PHACTR2: variants seen among roughly 807,000 people sequenced by gnomAD.
PHACTR2 encodes chromosome 6 open reading frame 56.
In PHACTR2, 30 loss-of-function variants were observed where a neutral mutation model predicts 76.0. The observed-to-expected ratio is 0.39, with a 90% CI of 0.30 to 0.54. The LOEUF is 0.54. Ranked by LOEUF, PHACTR2 falls within the 20% of genes least tolerant of loss-of-function variation. The pLI is 0.61. For synonymous variants in PHACTR2, 292 were observed against 292.5 expected, an observed-to-expected ratio of 1.00 and a Z score of 0.02; for missense variants, 696 against 781.1, an observed-to-expected ratio of 0.89 and a Z score of 1.30.
chr6:143,823,379 G>A lies in PHACTR2; in HGVS notation c.1923-295G>A, dbSNP rs1776467341. ...GGTTAGAGCACGATGCTCAAGAATA[G>A]TGATGTTTTCTGTCTTGGTTGCTGT... On this transcript the variant is annotated intron_variant, in intron 12 of 12. Transcript: ENST00000440869. The surrounding 1 kb of genome is among the most constrained non-coding windows in gnomAD (Gnocchi z 5.7). Among the ~76,000 whole-genome samples the A allele has an allele frequency of 6.6e-6, 1 of 152,196 alleles. No individual in the cohort carries two copies. The highest frequency in any genetic ancestry group is 6.5e-5 in the Admixed American group (1 of 15,280).
rs1490864437 is a variant in PHACTR2 at position 143,771,202 on chromosome 6, A to G, written c.1233-1056A>G. Among the ~76,000 whole-genome samples, 40 of 72,106 alleles carry G rather than the reference A, an allele frequency of 5.5e-4. 1 individual carries two copies. The highest frequency in any genetic ancestry group is 1.2e-3 in the African/African-American group (15 of 12,562). The allele number at this position is 72,106 out of a possible 152,430, so 47.3% of individuals were successfully genotyped here. ...TATATATATATATGTGTGTATATAT[A>G]TATATATATATATATATATATATAT... On this transcript the variant is annotated intron_variant, in intron 6 of 12. Coordinates refer to ENST00000440869, the MANE Select transcript of PHACTR2 (RefSeq NM_001100164.2).
chr6:143,605,694 A>G (rs1026164152), upstream of PHACTR2, among the ~76,000 whole-genome samples: 3 of 151,922 alleles, frequency 2.0e-5, no homozygotes, highest in African/African-American at 7.3e-5. This position sits in a 1 kb window ranked among gnomAD's most constrained non-coding sequence, Gnocchi z 5.0. Flanking sequence ...ACATTTTTCC[A>G]TGTTGCCCAT....
intron 1 of PHACTR2, among the ~76,000 whole-genome samples, chr6:143,594,245 A>G (rs1351339764): frequency 6.6e-6 from 1 of 152,232 alleles, no homozygotes; most frequent in Non-Finnish European, 1.5e-5. Context: ...CCATCCCCAA[A>G]AGATCTCATT....
At position 143,803,211 on chromosome 6, in the gene PHACTR2, C is replaced by T. The variant is rs900638938; in HGVS notation, c.1846-3846C>T. On this transcript the variant is annotated intron_variant, in intron 11 of 12. Transcript: ENST00000440869. The surrounding 1 kb of genome is among the most constrained non-coding windows in gnomAD (Gnocchi z 4.7). ...GTGCTGATTTAATTTTACATAAACA[C>T]GCTCTTTGAGGCTGAAGCAAATCTG... 1.3e-5 allele frequency among the ~76,000 whole-genome samples: 2 copies of T among 152,144 alleles called. No individual in the cohort carries two copies. Among genetic ancestry groups the T allele is most frequent in the East Asian group, 1.9e-4 (1 of 5,200 alleles).
chr6:143,632,067 C>T (rs1447880806), intron 1 of PHACTR2, among the ~76,000 whole-genome samples: 3 of 152,236 alleles, frequency 2.0e-5, no homozygotes, highest in Non-Finnish European at 1.5e-5. Context: ...ACCTCCCAAC[C>T]TGGCCCCCTG....
In PHACTR2 at chr6:143,774,012, G is replaced by T; in HGVS notation, c.1433-47G>T. On this transcript the variant is annotated intron_variant, in intron 7 of 12. Coordinates refer to ENST00000440869, the MANE Select transcript of PHACTR2 (RefSeq NM_001100164.2). The surrounding 1 kb of genome is among the most constrained non-coding windows in gnomAD (Gnocchi z 5.4). ...TGCCATGTGTAACCTGAGTGCCACT[G>T]GCTAAAAGCCTCTCTCTCTGCATTT... 6.3e-7 allele frequency: 1 copy of T among 1,580,570 alleles called. No homozygotes were observed. Among genetic ancestry groups the T allele is most frequent in the Non-Finnish European group, 8.6e-7 (1 of 1,156,822 alleles).
chr6:143,698,685 G>A lies in PHACTR2; in HGVS notation c.47-13331G>A, dbSNP rs115523980. On this transcript the variant is annotated intron_variant, in intron 1 of 12. Coordinates refer to ENST00000440869, the MANE Select transcript of PHACTR2 (RefSeq NM_001100164.2). This position sits in a 1 kb window ranked among gnomAD's most constrained non-coding sequence, Gnocchi z 4.3. Reference sequence around the variant, plus strand: ...TACTCACTACACACTGCAGGTCTACGTTTGGGTGGATGGTTGTTTGACTAA... The same window carrying A: ...TACTCACTACACACTGCAGGTCTACATTTGGGTGGATGGTTGTTTGACTAA... Among the ~76,000 whole-genome samples the A allele has an allele frequency of 5.3e-5, 8 of 152,220 alleles. No individual in the cohort carries two copies. Among genetic ancestry groups the A allele is most frequent in the Non-Finnish European group, 1.2e-4 (8 of 68,032 alleles).
At chr6:143,771,344 T>C (rs973373833) in intron 6 of PHACTR2, among the ~76,000 whole-genome samples, 1 of 147,198 alleles carries the variant, frequency 6.8e-6, no homozygotes. Context: ...CAAGCAATCC[T>C]TCCCAGGCTC....
At chr6:143,704,982 A>G (rs147997388) in intron 1 of PHACTR2, among the ~76,000 whole-genome samples, 5 of 151,178 alleles carry the variant, frequency 3.3e-5, no homozygotes, top group African/African-American at 1.2e-4. Context: ...ACGCTCCACC[A>G]TGCCCGGATA....
chr6:143,644,905 A>T (rs1045611885), intron 1 of PHACTR2, among the ~76,000 whole-genome samples: 5 of 151,912 alleles, frequency 3.3e-5, no homozygotes, highest in Admixed American at 2.6e-4. Context: ...GTGATTTGTG[A>T]AATTTTGGTG....
intron 1 of PHACTR2, among the ~76,000 whole-genome samples, chr6:143,704,099 G>GTGTGTGTGTGTC (rs772005703): frequency 0.065 from 9,722 of 149,428 alleles, 987 homozygotes; most frequent in African/African-American, 0.22. Context: ...GTGTGTCTGT[G>GTGTGTGTGTGTC]TGTGTGTGTG....
rs1775449612 is a variant in PHACTR2 at position 143,782,261 on chromosome 6, T to C, written c.1646-958T>C. Among the ~76,000 whole-genome samples, 1 of 152,082 alleles carries C rather than the reference T, an allele frequency of 6.6e-6. No homozygotes were observed. Among genetic ancestry groups the C allele is most frequent in the African/African-American group, 2.4e-5 (1 of 41,424 alleles). ...ATAAAAATAAAAATAAATAAACAAA[T>C]AGAAGAAGTTTTCCTTTTTCAACCT... On this transcript the variant is annotated intron_variant, in intron 9 of 12. Coordinates refer to ENST00000440869, the MANE Select transcript of PHACTR2 (RefSeq NM_001100164.2). This position sits in a 1 kb window ranked among gnomAD's most constrained non-coding sequence, Gnocchi z 4.6.
chr6:143,778,447 A>G (rs1775337911), intron 9 of PHACTR2, among the ~76,000 whole-genome samples: 1 of 151,054 alleles, frequency 6.6e-6, no homozygotes, highest in South Asian at 2.1e-4. Context: ...CTATGGGATC[A>G]CTTTCTTTGG....
intron 2 of PHACTR2, among the ~76,000 whole-genome samples, chr6:143,714,506 G>C (rs1000273216): frequency 6.6e-6 from 1 of 152,224 alleles, no homozygotes; most frequent in Non-Finnish European, 1.5e-5. Flanking sequence ...GGTGGTCCTT[G>C]AATCAGTTGT....
In PHACTR2 at chr6:143,828,111, C is replaced by T. The variant is rs1468683070; in HGVS notation, c.*4422C>T. The T allele has an allele frequency of 6.6e-6, 1 of 152,098 alleles. No individual in the cohort carries two copies. The highest frequency in any genetic ancestry group is 2.4e-5 in the African/African-American group (1 of 41,402). The allele number at this position is 152,098 out of a possible 1,614,324, so 9.4% of individuals were successfully genotyped here. A position where few individuals can be genotyped will look rare whatever the true frequency, so the allele number is the denominator to read the frequency against. Reference sequence around the variant, plus strand: ...GTTGCAGTGGGCCCAGATCGTGCCACTCCACTCCAGCCTGGGAGACAGAGC... The same window carrying T: ...GTTGCAGTGGGCCCAGATCGTGCCATTCCACTCCAGCCTGGGAGACAGAGC... On this transcript the variant is annotated 3_prime_UTR_variant, in exon 13 of 13. Coordinates refer to ENST00000440869, the MANE Select transcript of PHACTR2 (RefSeq NM_001100164.2). The surrounding 1 kb of genome is among the most constrained non-coding windows in gnomAD (Gnocchi z 4.7).
chr6:143,540,334 T>C (rs1781160977), intron 1 of PHACTR2, among the ~76,000 whole-genome samples: 1 of 152,036 alleles, frequency 6.6e-6, no homozygotes, highest in Non-Finnish European at 1.5e-5. Flanking sequence ...CCAAGAGTTG[T>C]CAGAGAACAG....
rs138604920 is a variant in PHACTR2, at chr6:143,805,604, C to CA, written c.1846-1449dup. 7.2e-3 allele frequency among the ~76,000 whole-genome samples: 1,092 copies of CA among 152,016 alleles called. 13 individuals are homozygous for CA. Among genetic ancestry groups the CA allele is most frequent in the African/African-American group, 0.025 (1,044 of 41,480 alleles). ...TCTAGGCATCACTTTTTGCAGTAAG[C>CA]AAAAGTATCCTCACTGTTGATCGGA... On this transcript the variant is annotated intron_variant, in intron 11 of 12. Coordinates refer to ENST00000440869, the MANE Select transcript of PHACTR2 (RefSeq NM_001100164.2).
rs922309048 is a variant in PHACTR2, at chr6:143,616,787, A to G, written c.13+8465A>G. Among the ~76,000 whole-genome samples, 4 of 152,174 alleles carry G rather than the reference A, an allele frequency of 2.6e-5. No individual in the cohort carries two copies. Among genetic ancestry groups the G allele is most frequent in the Non-Finnish European group, 4.4e-5 (3 of 68,024 alleles). Reference sequence around the variant, plus strand: ...GGAGGCTACGCCAGACTCGGTAGTCAGAGAAAGCTTCCTAAGGAGGTGGCA... The same window carrying G: ...GGAGGCTACGCCAGACTCGGTAGTCGGAGAAAGCTTCCTAAGGAGGTGGCA... On this transcript the variant is annotated intron_variant, in intron 1 of 11. Coordinates refer to the PHACTR2 transcript ENST00000305766. This position sits in a 1 kb window ranked among gnomAD's most constrained non-coding sequence, Gnocchi z 4.9.
chr6:143,690,208 A>G (rs80086802), intron 1 of PHACTR2, among the ~76,000 whole-genome samples: 3,704 of 152,302 alleles, frequency 0.024, 53 homozygotes, highest in South Asian at 0.042. Flanking sequence ...TCGCTTCTCA[A>G]TATGTTCAAA....
Sources: gnomAD v4.1 joint callset for allele counts (sites outside exome capture counted in the v4.1 genomes callset) on GRCh38, gnomAD v4.1.1 for gene constraint, Gnocchi (gnomAD v3.1) non-coding constraint, MANE v1.5 for transcripts, NCBI Gene and HGNC (gene_info 2026-07-23, HGNC 2026-07-21) for gene names.